The following GLYATL1 variants were observed in gnomAD, a reference collection of about 807,000 sequenced individuals.
GLYATL1 encodes the protein glycine N-acyltransferase-like protein 1.
GLYATL1 carries 15 observed loss-of-function variants against 20.0 expected under a neutral mutation model. That is an observed-to-expected ratio of 0.75 (90% confidence interval 0.50 to 1.15). GLYATL1 has a LOEUF of 1.15. Among genes scored for constraint, GLYATL1 ranks in the 50% most tolerant of loss-of-function variants. The probability of loss-of-function intolerance (pLI) is 0.00; values close to 1 mark genes in which losing one functional copy is unlikely to be tolerated. For synonymous variants in GLYATL1, 151 were observed against 131.5 expected (o/e 1.15, Z -1.01); for missense variants, 380 against 368.5 (o/e 1.03, Z -0.26).
intron 1 of GLYATL1, among the ~76,000 whole-genome samples, chr11:58,906,140 C>A (rs1854877142): frequency 6.6e-6 from 1 of 152,132 alleles, no homozygotes; most frequent in Non-Finnish European, 1.5e-5. Context: ...CTGGGTCGGA[C>A]CCGGAGTTAG....
At position 58,932,110 on chromosome 11, in the gene GLYATL1, CA is replaced by C. The variant is rs5792141; in HGVS notation, c.-212+4304del. Among the ~76,000 whole-genome samples the C allele has an allele frequency of 1.9e-3, 117 of 61,486 alleles. No individual in the cohort carries two copies. The South Asian group carries it at 0.03, about 16-fold the overall frequency. 40.3% of individuals were successfully genotyped at this position (61,486 alleles called of 152,430 possible). ...CTAGGGGACAGAAGAGACCCCTTCTCAAAAAAAAAAAAAAAAAAAAAAAGAC... is the reference window on the plus strand; with the variant it reads ...CTAGGGGACAGAAGAGACCCCTTCTCAAAAAAAAAAAAAAAAAAAAAAGAC... On this transcript the variant is annotated intron_variant, in intron 1 of 7. Transcript: ENST00000317391.
At chr11:58,921,301 G>C (rs1855302845) in intron 1 of GLYATL1, among the ~76,000 whole-genome samples, 1 of 152,208 alleles carries the variant, frequency 6.6e-6, no homozygotes, top group East Asian at 1.9e-4. Flanking sequence ...TGGCCTTATA[G>C]GTCAGGTCAC....
chr11:58,918,376 C>A (rs1336458966), intron 1 of GLYATL1, among the ~76,000 whole-genome samples: 1 of 152,198 alleles, frequency 6.6e-6, no homozygotes, highest in African/African-American at 2.4e-5. Context: ...TTCCCATTGT[C>A]ATTGATTTCT....
chr11:58,946,370 G>A lies in GLYATL1; in HGVS notation c.-42-676G>A, dbSNP rs1856569408. Among the ~76,000 whole-genome samples the A allele has an allele frequency of 3.3e-5, 5 of 152,302 alleles. No homozygotes were observed. The South Asian group carries it at 1.0e-3, about 32-fold the overall frequency. Reference sequence around the variant, plus strand: ...GCAACTTAACAAAGAAGTATGAGATGGAACTAAAATTTGAAATCAGCCTAA... The same window carrying A: ...GCAACTTAACAAAGAAGTATGAGATAGAACTAAAATTTGAAATCAGCCTAA... On this transcript the variant is annotated intron_variant, in intron 2 of 6. Transcript: ENST00000532726.
At position 58,955,760 on chromosome 11, in the gene GLYATL1, G is replaced by C; in HGVS notation, c.642G>C (p.Glu214Asp). 1 of 1,614,206 alleles carries C rather than the reference G, an allele frequency of 6.2e-7. No individual in the cohort carries two copies. Among genetic ancestry groups the C allele is most frequent in the Non-Finnish European group, 8.5e-7 (1 of 1,180,038 alleles). The change falls in exon 7 of 7, where the codon GAG becomes GAC. Residue 214 changes from glutamate (E) to aspartate (D), a missense_variant. Physicochemically the swap from Glu to Asp is conservative, Grantham distance 45. Coordinates refer to ENST00000532726, the MANE Select transcript of GLYATL1 (RefSeq NM_001389712.2). ...CAGCAGCCTGTATGCTCGGCCCAGAGGGAGTCCCGGTCTCATGGGTAACCA... is the reference window on the plus strand; with the variant it reads ...CAGCAGCCTGTATGCTCGGCCCAGACGGAGTCCCGGTCTCATGGGTAACCA... ...DLPAACMLGP[E>D]GVPVSWVTMD...
upstream of GLYATL1, among the ~76,000 whole-genome samples, chr11:58,924,018 G>A (rs1855367606): frequency 6.6e-6 from 1 of 152,042 alleles, no homozygotes; most frequent in Admixed American, 6.5e-5. Flanking sequence ...CACAGACCCT[G>A]ACCCAAACGA....
chr11:58,921,666 G>A (rs543278700), intron 1 of GLYATL1, among the ~76,000 whole-genome samples: 1 of 152,238 alleles, frequency 6.6e-6, no homozygotes, highest in South Asian at 2.1e-4. Flanking sequence ...CCGCATCCAT[G>A]ACCCCTTGCA....
At chr11:58,955,530 G>A in intron 6 of GLYATL1, 80 bp from the exon 7 acceptor site, 1 of 1,473,886 alleles carries the variant, frequency 6.8e-7, no homozygotes, top group Non-Finnish European at 9.3e-7. Context: ...AAGAGTTCCT[G>A]GGATCTCTAG....
chr11:58,911,467 TG>T (rs2134648997), downstream of GLYATL1, among the ~76,000 whole-genome samples: 1 of 152,360 alleles, frequency 6.6e-6, no homozygotes, highest in African/African-American at 2.4e-5. Context: ...GAGTTCCAGT[TG>T]TTTCATATAC....
At chr11:58,935,412 G>A (rs1261419877), upstream of GLYATL1, 3 of 152,272 alleles carry the variant, frequency 2.0e-5, no homozygotes, top group African/African-American at 7.2e-5. Context: ...TGGTGTTGTG[G>A]GAGGGGTGAC....
intron 1 of GLYATL1, among the ~76,000 whole-genome samples, chr11:58,913,802 A>G (rs1288271345): frequency 6.6e-6 from 1 of 152,152 alleles, no homozygotes; most frequent in Non-Finnish European, 1.5e-5. Flanking sequence ...TGAGTCTTAG[A>G]TGGAAATATA....
At chr11:58,905,656 A>C (rs1590761994) in exon 1 of GLYATL1, 2 of 454,824 alleles carry the variant, frequency 4.4e-6, no homozygotes, top group East Asian at 1.4e-4. Context: ...TGCTTAGTTT[A>C]TCCTGGTACG....
intron 1 of GLYATL1, among the ~76,000 whole-genome samples, chr11:58,906,035 G>C (rs73481086): frequency 0.02 from 2,988 of 152,320 alleles, 87 homozygotes; most frequent in African/African-American, 0.068. Context: ...AGGCAAGAGA[G>C]AAGTCTTCCC....
At chr11:58,952,566 A>T (rs1476644758) in intron 4 of GLYATL1, among the ~76,000 whole-genome samples, 2 of 152,190 alleles carry the variant, frequency 1.3e-5, no homozygotes, top group Non-Finnish European at 2.9e-5. Flanking sequence ...TTTAATTTCA[A>T]CATTCTTTTT....
At chr11:58,924,849 C>T (rs1855390883), upstream of GLYATL1, among the ~76,000 whole-genome samples, 1 of 152,114 alleles carries the variant, frequency 6.6e-6, no homozygotes, top group African/African-American at 2.4e-5. Context: ...TCATTAGAAG[C>T]TGGAAAGGGA....
Position 58,956,339 on chromosome 11 carries a change from C to G in GLYATL1, c.*312C>G, listed in dbSNP as rs1857418544. 1 of 319,010 alleles carries G rather than the reference C, an allele frequency of 3.1e-6. No homozygotes were observed. Among genetic ancestry groups the G allele is most frequent in the South Asian group, 8.6e-5 (1 of 11,626 alleles). 19.8% of individuals were successfully genotyped at this position (319,010 alleles called of 1,614,324 possible). A position where few individuals can be genotyped will look rare whatever the true frequency, so the allele number is the denominator to read the frequency against. On this transcript the variant is annotated 3_prime_UTR_variant, in exon 7 of 7. Coordinates refer to ENST00000532726, the MANE Select transcript of GLYATL1 (RefSeq NM_001389712.2). The stretch of plus-strand genomic sequence containing the variant: ...CTGGGAATCAGAACTCTTTATGCAA[C>G]TTGGTTAATAGAATCTACTATCTGG...
intron 1 of GLYATL1, among the ~76,000 whole-genome samples, chr11:58,906,055 G>T (rs997273033): frequency 1.3e-5 from 2 of 152,190 alleles, no homozygotes; most frequent in African/African-American, 4.8e-5. Flanking sequence ...CAACACCTGC[G>T]AATCGGGAGC....
chr11:58,951,169 G>A (rs1856966582), intron 4 of GLYATL1, among the ~76,000 whole-genome samples: 1 of 152,004 alleles, frequency 6.6e-6, no homozygotes, highest in Non-Finnish European at 1.5e-5. Context: ...TTGTCTTACA[G>A]TGAGTTAATT....
intron 4 of GLYATL1, among the ~76,000 whole-genome samples, chr11:58,952,929 T>G (rs1857098818): frequency 6.6e-6 from 1 of 152,186 alleles, no homozygotes; most frequent in Non-Finnish European, 1.5e-5. Flanking sequence ...CTTTACTAGG[T>G]AAATACCCAA....
Sources: allele counts gnomAD v4.1 joint callset (sites outside exome capture counted in the v4.1 genomes callset), GRCh38; gene constraint gnomAD v4.1.1; transcripts MANE v1.5; gene names NCBI Gene and HGNC (gene_info 2026-07-23, HGNC 2026-07-21).